ECT2: variants seen among roughly 807,000 people sequenced by gnomAD.
ECT2 encodes the protein protein ECT2.
ECT2 carries 61 observed loss-of-function variants against 116.9 expected under a neutral mutation model. The ratio of observed to expected loss-of-function variants is 0.52; its 90% CI spans 0.42 to 0.65. ECT2 has a LOEUF of 0.65. ECT2 is among the 30% of genes least tolerant of loss of function. ECT2 has a pLI of 0.00. For synonymous variants in ECT2, 358 were observed against 346.4 expected (o/e 1.03, Z -0.37); for missense variants, 937 against 1,078.7 (o/e 0.87, Z 1.84).
chr3:172,778,683 C>T (rs142940355), intron 14 of ECT2, among the ~76,000 whole-genome samples: 40 of 150,418 alleles, frequency 2.7e-4, no homozygotes, highest in African/African-American at 8.1e-4. Context: ...GCAACCTCCA[C>T]CTGCCGGGTT....
intron 15 of ECT2, among the ~76,000 whole-genome samples, chr3:172,783,145 G>T (rs1244559151): frequency 1.3e-5 from 2 of 152,046 alleles, no homozygotes; most frequent in East Asian, 1.9e-4. Context: ...ATTCATTTTG[G>T]CAAGGTTCTG....
chr3:172,765,441 C>G (rs1719182578), intron 12 of ECT2, among the ~76,000 whole-genome samples: 1 of 152,038 alleles, frequency 6.6e-6, no homozygotes, highest in Non-Finnish European at 1.5e-5. Context: ...TTGTCCTCTT[C>G]CCTGTCAAGC....
chr3:172,761,104 A>G (rs1718201485), intron 7 of ECT2, among the ~76,000 whole-genome samples: 1 of 152,168 alleles, frequency 6.6e-6, no homozygotes, highest in Non-Finnish European at 1.5e-5. Flanking sequence ...AATAGGAGAA[A>G]ATACTCTCAC....
chr3:172,800,426 A>G (rs1334615468), intron 18 of ECT2, among the ~76,000 whole-genome samples: 1 of 152,202 alleles, frequency 6.6e-6, no homozygotes, highest in South Asian at 2.1e-4. Context: ...TTTAAAAACA[A>G]TACATAATAA....
Position 172,805,839 on chromosome 3 carries a change from AAGAAGGTATTGGACATAAGAGAGAC to A in ECT2, c.2225_2245+4del, listed in dbSNP as rs1727581648. 1.2e-6 allele frequency: 2 copies of A among 1,613,614 alleles called. No individual in the cohort carries two copies. ...TCACCTAATGCCTCTTTCTCAGATT[AAGAAGGTATTGGACATAAGAGAGAC>A]AGAAGGTATGCCGGTCGGATACATT... On this transcript the variant is annotated frameshift_variant, in exon 21 of 25. Coordinates refer to ENST00000392692, the MANE Select transcript of ECT2 (RefSeq NM_001258315.2). LOFTEE classifies it high-confidence loss of function.
intron 1 of ECT2, chr3:172,752,505 A>C (rs540677118): frequency 6.9e-6 from 1 of 145,096 alleles, no homozygotes; most frequent in Non-Finnish European, 1.5e-5. Flanking sequence ...TTTTTTTTTT[A>C]AACATTCTTT....
chr3:172,760,331 A>G (rs1206384079), intron 7 of ECT2, 68 bp downstream of exon 7: 1 of 834,646 alleles, frequency 1.2e-6, no homozygotes, highest in Admixed American at 2.5e-5. Context: ...TAATAATAGC[A>G]GTCTTTTATC....
At position 172,812,972 on chromosome 3, in the gene ECT2, G is replaced by A. The variant is rs141447194; in HGVS notation, c.2401-2632G>A. On this transcript the variant is annotated intron_variant, in intron 22 of 24. Transcript: ENST00000392692. ...ATGAGATATAGGAAATCCTAGTAGT[G>A]TAAAACCTTGCAGATATGTGTGGCA... Among the ~76,000 whole-genome samples the A allele has an allele frequency of 3.0e-3, 457 of 152,228 alleles. 4 individuals carry two copies. The highest frequency in any genetic ancestry group is 6.8e-3 in the Middle Eastern group (2 of 294).
At chr3:172,798,387 A>G (rs553496688) in intron 18 of ECT2, among the ~76,000 whole-genome samples, 1 of 152,294 alleles carries the variant, frequency 6.6e-6, no homozygotes, top group East Asian at 1.9e-4. Flanking sequence ...TAAAAACATA[A>G]TCATGAAAAT....
At chr3:172,809,553 A>G (rs1268362168) in intron 22 of ECT2, among the ~76,000 whole-genome samples, 1 of 128,950 alleles carries the variant, frequency 7.8e-6, no homozygotes, top group Non-Finnish European at 1.7e-5. Flanking sequence ...TGTGAAGATA[A>G]TGTGTGTGTA....
chr3:172,764,602 C>G, intron 12 of ECT2, 102 bp downstream of exon 12: 1 of 1,018,766 alleles, frequency 9.8e-7, no homozygotes, highest in Non-Finnish European at 1.4e-6. Context: ...AAGTCTTTGC[C>G]TTTAATTACC....
At chr3:172,785,115 A>C (rs1723380961) in intron 17 of ECT2, among the ~76,000 whole-genome samples, 1 of 152,214 alleles carries the variant, frequency 6.6e-6, no homozygotes, top group African/African-American at 2.4e-5. Flanking sequence ...TGCCCACAAA[A>C]TCACAAGGAG....
intron 14 of ECT2, among the ~76,000 whole-genome samples, chr3:172,777,299 A>G (rs753982610): frequency 6.6e-6 from 1 of 152,066 alleles, no homozygotes; most frequent in Non-Finnish European, 1.5e-5. Context: ...TAGTGTTAAA[A>G]CTTTTTTTTA....
In ECT2 at chr3:172,755,287, T is replaced by C. The variant is rs1716739029; in HGVS notation, c.131-8T>C. The C allele has an allele frequency of 1.9e-6, 3 of 1,589,720 alleles. No individual in the cohort carries two copies. The highest frequency in any genetic ancestry group is 2.6e-6 in the Non-Finnish European group (3 of 1,173,254). ...TGATAAACATTGAAACATTTTACAT[T>C]TTAACAGAAGAGATGCCTCAGATTG... On this transcript the variant is annotated splice_region_variant and splice_polypyrimidine_tract_variant and intron_variant, in intron 2 of 24. Coordinates refer to ENST00000392692, the MANE Select transcript of ECT2 (RefSeq NM_001258315.2).
intron 22 of ECT2, among the ~76,000 whole-genome samples, chr3:172,808,245 A>C (rs1728126961): frequency 6.6e-6 from 1 of 151,982 alleles, no homozygotes. Flanking sequence ...ATGGCTAAAA[A>C]TTAGAGAGTA....
intron 1 of ECT2, 56 bp from the exon 2 acceptor site, chr3:172,754,449 ATACT>A (rs1030829920): frequency 3.9e-6 from 5 of 1,269,222 alleles, no homozygotes; most frequent in Admixed American, 6.0e-5. Flanking sequence ...AGAGCCTCTA[ATACT>A]TACTTTTGCC....
intron 14 of ECT2, among the ~76,000 whole-genome samples, chr3:172,774,706 G>A (rs1290843702): frequency 6.6e-6 from 1 of 152,006 alleles, no homozygotes; most frequent in East Asian, 1.9e-4. Flanking sequence ...GTCTTGCTGT[G>A]TTGCCCAGGC....
chr3:172,767,756 G>A (rs1350419871), intron 12 of ECT2, among the ~76,000 whole-genome samples: 2 of 148,394 alleles, frequency 1.3e-5, no homozygotes, highest in African/African-American at 5.2e-5. Flanking sequence ...TTGCTTGGTC[G>A]CCAGGCTGGA....
chr3:172,759,502 C>T (rs995849475), intron 6 of ECT2, among the ~76,000 whole-genome samples: 16 of 152,028 alleles, frequency 1.1e-4, no homozygotes, highest in Non-Finnish European at 2.1e-4. Context: ...AGTGCAGTGG[C>T]GCAATCTCGG....
Sources: gnomAD v4.1 joint callset for allele counts (sites outside exome capture counted in the v4.1 genomes callset) on GRCh38, gnomAD v4.1.1 for gene constraint, MANE v1.5 for transcripts, NCBI Gene and HGNC (gene_info 2026-07-23, HGNC 2026-07-21) for gene names.